The following DROSHA variants were observed in gnomAD, a reference collection of about 807,000 sequenced individuals.
DROSHA encodes drosha ribonuclease III.
A neutral mutation model predicts 181.9 loss-of-function variants in DROSHA; 56 were observed. The ratio of observed to expected loss-of-function variants is 0.31; its 90% CI spans 0.25 to 0.38. The LOEUF is 0.38. Among genes scored for constraint, DROSHA ranks in the 10% least tolerant of loss-of-function variants. The pLI, the probability that DROSHA is intolerant of heterozygous loss-of-function variation, is 1.00. For missense variants in DROSHA, 1,218 were observed against 1,743.5 expected (o/e 0.70, Z 5.37); for synonymous variants, 524 against 591.2 (o/e 0.89, Z 1.65).
intron 18 of DROSHA, 81 bp downstream of exon 18, chr5:31,467,858 C>A (rs1749267335): frequency 1.3e-6 from 2 of 1,512,046 alleles, no homozygotes; most frequent in African/African-American, 1.4e-5. Context: ...AAGGAAACAT[C>A]CACTAAAGGG....
rs1741217730 is a variant in DROSHA at position 31,410,766 on chromosome 5, G to A, written c.3647C>T (p.Thr1216Ile). ...TKRPVALRTK[T>I]LADLLESFIA... is the part of the protein sequence containing the mutation. The stretch of plus-strand genomic sequence containing the variant: ...CTCACATTCCAAAAGGTCCGCCAAG[G>A]TCTTGGTGCGAAGCGCCACAGGCCT... The change falls in exon 31 of 36, where the codon ACC becomes ATC. Residue 1216 changes from threonine (T) to isoleucine (I), a missense_variant. Physicochemically the swap from Thr to Ile is moderately conservative, Grantham distance 89 (BLOSUM62 -1). This residue lies in a region of DROSHA where 47 missense variants were observed against 70.6 expected (regional missense o/e 0.67). Coordinates refer to ENST00000344624, the MANE Select transcript of DROSHA (RefSeq NM_001382508.1). 6.2e-7 allele frequency: 1 copy of A among 1,613,832 alleles called. No homozygotes were observed. Among genetic ancestry groups the A allele is most frequent in the Non-Finnish European group, 8.5e-7 (1 of 1,179,772 alleles).
chr5:31,403,301 C>A (rs1297540401), intron 35 of DROSHA, among the ~76,000 whole-genome samples: 2 of 152,128 alleles, frequency 1.3e-5, no homozygotes, highest in Non-Finnish European at 2.9e-5. Context: ...ATTTGAAAAA[C>A]AAAATTCACA....
chr5:31,441,121 A>T (rs909678049), intron 23 of DROSHA, among the ~76,000 whole-genome samples: 7 of 135,438 alleles, frequency 5.2e-5, no homozygotes, highest in African/African-American at 1.5e-4. Flanking sequence ...AATTTAGTTT[A>T]AAAAAAAAAA....
chr5:31,527,799 C>T (rs915414397), intron 4 of DROSHA, among the ~76,000 whole-genome samples: 4 of 152,100 alleles, frequency 2.6e-5, no homozygotes, highest in African/African-American at 9.7e-5. Flanking sequence ...TTTAAGTTAC[C>T]CAGTCTATAG....
At chr5:31,489,502 G>A (rs1424395561) in intron 13 of DROSHA, among the ~76,000 whole-genome samples, 1 of 152,130 alleles carries the variant, frequency 6.6e-6, no homozygotes, top group East Asian at 1.9e-4. Context: ...TAAGTGTCAA[G>A]AAGAGCTTGT....
Position 31,422,899 on chromosome 5 carries a change from C to T in DROSHA, c.3307G>A (p.Val1103Ile). The T allele has an allele frequency of 6.2e-7, 1 of 1,612,166 alleles. No individual in the cohort carries two copies. The highest frequency in any genetic ancestry group is 1.7e-4 in the Middle Eastern group (1 of 6,050). ...TCAAACTCAGTAAGTTTTTGTAGAA[C>T]TGGAGAAGTTTCAATAAGTTGTCGA... The part of the protein sequence containing the change: ...TDRQLIETSP[V>I]LQKLTEFEEA... Residue 1103 changes from valine to isoleucine, a missense_variant, in exon 29 of 36, where the codon GTT becomes ATT. By Grantham distance (29) the Val-to-Ile change is conservative. Coordinates refer to ENST00000344624, the MANE Select transcript of DROSHA (RefSeq NM_001382508.1).
At chr5:31,492,152 T>C (rs1450105564) in intron 13 of DROSHA, among the ~76,000 whole-genome samples, 1 of 152,236 alleles carries the variant, frequency 6.6e-6, no homozygotes, top group Non-Finnish European at 1.5e-5. Flanking sequence ...AAATGTAATA[T>C]ATATTATGAA....
chr5:31,434,886 C>A (rs528090373), intron 25 of DROSHA, among the ~76,000 whole-genome samples: 1 of 152,304 alleles, frequency 6.6e-6, no homozygotes, highest in South Asian at 2.1e-4. Context: ...TGGGTAGCAT[C>A]AATAAAAACA....
chr5:31,444,934 G>C (rs1746068977), intron 23 of DROSHA, among the ~76,000 whole-genome samples: 1 of 152,216 alleles, frequency 6.6e-6, no homozygotes, highest in Admixed American at 6.5e-5. Context: ...CTCAAGGCAA[G>C]TCAATTTTTT....
rs60001713 is a variant in DROSHA, at chr5:31,446,446, C to CAAAAAAAA, written c.2882+2093_2882+2100dup. On this transcript the variant is annotated intron_variant, in intron 23 of 35. Coordinates refer to ENST00000344624, the MANE Select transcript of DROSHA (RefSeq NM_001382508.1). The stretch of plus-strand genomic sequence containing the variant: ...TGGGCGACAGAGCGAGACTCTGTCT[C>CAAAAAAAA]AAAAAAAAAAAAAAAAAAAAGATTC... Among the ~76,000 whole-genome samples the CAAAAAAAA allele has an allele frequency of 0.015, 883 of 59,282 alleles. 124 individuals are homozygous for CAAAAAAAA. The East Asian group carries it at 0.16, about 11-fold the overall frequency. 38.9% of individuals were successfully genotyped at this position (59,282 alleles called of 152,430 possible).
chr5:31,424,060 T>C (rs1180849606), intron 28 of DROSHA, among the ~76,000 whole-genome samples: 1 of 152,224 alleles, frequency 6.6e-6, no homozygotes, highest in Non-Finnish European at 1.5e-5. Flanking sequence ...TCAGACTCGC[T>C]TCCATACTAT....
chr5:31,424,381 T>C (rs765709467), intron 28 of DROSHA, 46 bp downstream of exon 28: 2 of 1,571,574 alleles, frequency 1.3e-6, no homozygotes, highest in Non-Finnish European at 1.7e-6. Context: ...GTAACATGAA[T>C]AGCTGGAGTT....
At chr5:31,445,176 C>A (rs1222011541) in intron 23 of DROSHA, among the ~76,000 whole-genome samples, 1 of 152,210 alleles carries the variant, frequency 6.6e-6, no homozygotes, top group East Asian at 1.9e-4. Context: ...AAGCAGTTTC[C>A]TCTACTGGCT....
intron 6 of DROSHA, 122 bp from the exon 7 acceptor site, chr5:31,515,686 C>A: frequency 1.5e-6 from 2 of 1,350,450 alleles, no homozygotes. Flanking sequence ...GATTTTAAGA[C>A]TTCACAAAAC....
chr5:31,485,493 G>C (rs1056918908), intron 14 of DROSHA, among the ~76,000 whole-genome samples: 1 of 152,104 alleles, frequency 6.6e-6, no homozygotes, highest in African/African-American at 2.4e-5. Flanking sequence ...AGATATATTT[G>C]CAAGTGAGAC....
At chr5:31,519,089 T>C (rs1245929537) in intron 6 of DROSHA, among the ~76,000 whole-genome samples, 2 of 152,182 alleles carry the variant, frequency 1.3e-5, no homozygotes, top group Non-Finnish European at 2.9e-5. Context: ...CTGGTAAATT[T>C]TCCCCCTCAC....
At chr5:31,500,186 G>A (rs1336452843) in intron 11 of DROSHA, among the ~76,000 whole-genome samples, 1 of 152,154 alleles carries the variant, frequency 6.6e-6, no homozygotes, top group Non-Finnish European at 1.5e-5. Context: ...CTCCCCTCCT[G>A]GCCAATACCT....
intron 20 of DROSHA, among the ~76,000 whole-genome samples, chr5:31,456,632 G>T (rs1747703826): frequency 6.6e-6 from 1 of 152,052 alleles, no homozygotes; most frequent in South Asian, 2.1e-4. Context: ...AAAAAACAAA[G>T]CCAATATAAT....
In DROSHA at chr5:31,514,491, A is replaced by T. The variant is rs1458865690; in HGVS notation, c.1290+497T>A. On this transcript the variant is annotated intron_variant, in intron 8 of 35. Coordinates refer to ENST00000344624, the MANE Select transcript of DROSHA (RefSeq NM_001382508.1). The surrounding 1 kb of genome is among the most constrained non-coding windows in gnomAD (Gnocchi z 4.4). ...CCTCATCTCTACTAAAAAATAAAAA[A>T]AAATTAGCCAGTCATGGTGGCACGT... Among the ~76,000 whole-genome samples, 1 of 152,006 alleles carries T rather than the reference A, an allele frequency of 6.6e-6. No homozygotes were observed. The highest frequency in any genetic ancestry group is 1.5e-5 in the Non-Finnish European group (1 of 67,992).
Sources: allele counts gnomAD v4.1 joint callset (sites outside exome capture counted in the v4.1 genomes callset), GRCh38; gene constraint gnomAD v4.1.1; regional missense constraint gnomAD v4.1.1; non-coding constraint Gnocchi (gnomAD v3.1); transcripts MANE v1.5; gene names NCBI Gene and HGNC (gene_info 2026-07-23, HGNC 2026-07-21).